The following NUDT3 variants were observed in gnomAD, a reference collection of about 807,000 sequenced individuals.
The protein encoded by NUDT3 is diphosphoinositol polyphosphate phosphohydrolase 1.
In NUDT3, 9 loss-of-function variants were observed where a neutral mutation model predicts 23.6. The ratio of observed to expected loss-of-function variants is 0.38; its 90% CI spans 0.23 to 0.66. The LOEUF is 0.66. Among genes scored for constraint, NUDT3 ranks in the 30% least tolerant of loss-of-function variants. The pLI is 0.52. For missense variants in NUDT3, 172 were observed against 218.5 expected (o/e 0.79, Z 1.34); for synonymous variants, 86 against 82.6 (o/e 1.04, Z -0.22).
At chr6:34,383,742 G>A (rs1468373035) in intron 1 of NUDT3, among the ~76,000 whole-genome samples, 1 of 152,016 alleles carries the variant, frequency 6.6e-6, no homozygotes, top group African/African-American at 2.4e-5. Flanking sequence ...GTAGGATTGG[G>A]GCAAAGACAT....
chr6:34,345,434 C>T (rs1365820393), intron 1 of NUDT3, among the ~76,000 whole-genome samples: 5 of 151,200 alleles, frequency 3.3e-5, no homozygotes, highest in East Asian at 2.0e-4. Context: ...GAGGTCGAGG[C>T]GGGCAGATCA....
intron 1 of NUDT3, among the ~76,000 whole-genome samples, chr6:34,347,964 C>T (rs866701538): frequency 1.3e-5 from 2 of 151,032 alleles, no homozygotes; most frequent in African/African-American, 4.9e-5. Context: ...CTGAAACCCC[C>T]ATGTCTACCA....
At chr6:34,378,731 C>T (rs1026517585) in intron 1 of NUDT3, among the ~76,000 whole-genome samples, 4 of 152,186 alleles carry the variant, frequency 2.6e-5, no homozygotes, top group South Asian at 2.1e-4. Flanking sequence ...GCCTTAGTCC[C>T]GCATCCACAT....
chr6:34,370,319 T>C (rs1764806990), intron 1 of NUDT3, among the ~76,000 whole-genome samples: 1 of 152,242 alleles, frequency 6.6e-6, no homozygotes, highest in Non-Finnish European at 1.5e-5. Context: ...GACCACTTGA[T>C]GCCATCAAGG....
At chr6:34,299,707 A>C (rs1028518463) in intron 2 of NUDT3, among the ~76,000 whole-genome samples, 3 of 150,798 alleles carry the variant, frequency 2.0e-5, no homozygotes, top group South Asian at 2.1e-4. Flanking sequence ...GGAGTTCAAG[A>C]CCAGCCTGGC....
At chr6:34,374,115 C>G (rs569688533) in intron 1 of NUDT3, among the ~76,000 whole-genome samples, 11 of 144,054 alleles carry the variant, frequency 7.6e-5, no homozygotes, top group Non-Finnish European at 1.3e-4. Flanking sequence ...CCGGATCATG[C>G]CACTGTACTC....
At chr6:34,299,891 A>C (rs1400870018) in intron 2 of NUDT3, among the ~76,000 whole-genome samples, 2 of 149,434 alleles carry the variant, frequency 1.3e-5, no homozygotes, top group South Asian at 2.1e-4. Context: ...TGACACAGTG[A>C]GACTGTCTCA....
chr6:34,309,995 C>T (rs904116965), intron 2 of NUDT3, among the ~76,000 whole-genome samples: 23 of 150,132 alleles, frequency 1.5e-4, no homozygotes, highest in African/African-American at 3.7e-4. Flanking sequence ...CACTTTGGGA[C>T]GCTGAGGTGG....
At chr6:34,305,603 T>C (rs1350082545) in intron 2 of NUDT3, among the ~76,000 whole-genome samples, 1 of 152,226 alleles carries the variant, frequency 6.6e-6, no homozygotes, top group Non-Finnish European at 1.5e-5. Context: ...GCTCTTGTTT[T>C]TTCCAGCTTC....
chr6:34,290,996 G>A (rs980226178), intron 4 of NUDT3, among the ~76,000 whole-genome samples: 1 of 151,594 alleles, frequency 6.6e-6, no homozygotes, highest in African/African-American at 2.4e-5. Context: ...GGCTCACTCC[G>A]TCATGCAGGC....
At chr6:34,367,838 C>T (rs1366118492) in intron 1 of NUDT3, among the ~76,000 whole-genome samples, 3 of 152,162 alleles carry the variant, frequency 2.0e-5, no homozygotes, top group Non-Finnish European at 2.9e-5. Flanking sequence ...AGAGCTGTGC[C>T]ATGGGCAAAA....
intron 1 of NUDT3, among the ~76,000 whole-genome samples, chr6:34,373,278 C>CGA (rs1332860518): frequency 1.1e-5 from 1 of 87,052 alleles, no homozygotes; most frequent in Non-Finnish European, 2.5e-5. Context: ...GACTCCGTCT[C>CGA]AAAAAAAAAA....
chr6:34,368,566 G>C (rs142158856), intron 1 of NUDT3, among the ~76,000 whole-genome samples: 1 of 152,318 alleles, frequency 6.6e-6, no homozygotes, highest in East Asian at 1.9e-4. Flanking sequence ...ATCTCAGACA[G>C]CAATTTTCAA....
At position 34,283,123 on chromosome 6, in the gene NUDT3, C is replaced by T. The variant is rs1763295991; in HGVS notation, c.*5630G>A. The T allele has an allele frequency of 6.6e-6, 1 of 151,730 alleles. No individual in the cohort carries two copies. The highest frequency in any genetic ancestry group is 2.4e-5 in the African/African-American group (1 of 41,274). 9.4% of individuals were successfully genotyped at this position (151,730 alleles called of 1,614,324 possible). A position where few individuals can be genotyped will look rare whatever the true frequency, so the allele number is the denominator to read the frequency against. On this transcript the variant is annotated 3_prime_UTR_variant, in exon 5 of 5. Transcript: ENST00000607016. The stretch of plus-strand genomic sequence containing the variant: ...TACTTCAAAAGCTTCAGGTCAGAGA[C>T]AGCCAAAATCATGTGACTGCTAGCC...
intron 2 of NUDT3, among the ~76,000 whole-genome samples, chr6:34,312,678 TTA>T (rs1224122632): frequency 6.6e-6 from 1 of 152,192 alleles, no homozygotes; most frequent in Non-Finnish European, 1.5e-5. Flanking sequence ...TTCCATTTAT[TTA>T]TATGTCTCTT....
At chr6:34,345,028 C>T (rs2113737258) in intron 1 of NUDT3, among the ~76,000 whole-genome samples, 1 of 151,694 alleles carries the variant, frequency 6.6e-6, no homozygotes, top group Middle Eastern at 3.4e-3. Context: ...ACTAGTTTTG[C>T]AATCACAGTT....
Position 34,293,512 on chromosome 6 carries a change from C to G in NUDT3, c.279G>C (p.Thr93=). Residue 93 remains threonine (T), a synonymous_variant, in exon 4 of 5, where the codon ACG becomes ACC. Coordinates refer to ENST00000607016, the MANE Select transcript of NUDT3 (RefSeq NM_006703.4). ...IFENQERKHR[T]YVYVLIVTEV... Reference sequence around the variant, plus strand: ...CAGTGACAATGAGCACATAGACATACGTCCTGTGCTTCCTCTCCTGGTTCT... The same window carrying G: ...CAGTGACAATGAGCACATAGACATAGGTCCTGTGCTTCCTCTCCTGGTTCT... The G allele has an allele frequency of 6.2e-7, 1 of 1,614,168 alleles. No homozygotes were observed. Among genetic ancestry groups the G allele is most frequent in the African/African-American group, 1.3e-5 (1 of 75,046 alleles).
At chr6:34,320,502 G>T (rs555008331) in intron 2 of NUDT3, among the ~76,000 whole-genome samples, 3 of 152,080 alleles carry the variant, frequency 2.0e-5, no homozygotes, top group South Asian at 2.1e-4. Context: ...GATTACAGGC[G>T]TGAGCCACTG....
chr6:34,307,107 A>G (rs1308611917), intron 2 of NUDT3, among the ~76,000 whole-genome samples: 1 of 152,164 alleles, frequency 6.6e-6, no homozygotes, highest in Non-Finnish European at 1.5e-5. Context: ...AAAGGAGAAA[A>G]AAGAGATATA....
Sources: gnomAD v4.1 joint callset for allele counts (sites outside exome capture counted in the v4.1 genomes callset) on GRCh38, gnomAD v4.1.1 for gene constraint, MANE v1.5 for transcripts, NCBI Gene and HGNC (gene_info 2026-07-23, HGNC 2026-07-21) for gene names.